The following TXLNB variants were observed in gnomAD, a reference collection of about 807,000 sequenced individuals.
TXLNB encodes taxilin beta.
In TXLNB, 37 loss-of-function variants were observed where a neutral mutation model predicts 57.4. That is an observed-to-expected ratio of 0.64 (90% CI 0.50 to 0.85). TXLNB has a LOEUF of 0.85. Ranked by LOEUF, TXLNB falls within the 40% of genes least tolerant of loss-of-function variation. The probability of loss-of-function intolerance (pLI) is 0.00; values close to 1 mark genes in which losing one functional copy is unlikely to be tolerated. For synonymous variants in TXLNB, 302 were observed against 309.6 expected (o/e 0.98, Z 0.26); for missense variants, 848 against 825.6 (o/e 1.03, Z -0.33).
At chr6:139,263,452 A>C (rs1306875353) in intron 4 of TXLNB, among the ~76,000 whole-genome samples, 12 of 152,242 alleles carry the variant, frequency 7.9e-5, no homozygotes, top group Non-Finnish European at 1.5e-5. Context: ...TAAAATGTTC[A>C]ATGTAAATTT....
At chr6:139,299,574 A>G in the TXLNB span, among the ~76,000 whole-genome samples, 10 of 151,922 alleles carry the variant, frequency 6.6e-5, no homozygotes, top group Non-Finnish European at 1.3e-4. Flanking sequence ...TTTGCCAGCT[A>G]TCGTGGGGTC....
At chr6:139,228,865 C>T in the TXLNB span, among the ~76,000 whole-genome samples, 1 of 152,156 alleles carries the variant, frequency 6.6e-6, no homozygotes, top group East Asian at 1.9e-4. Context: ...CCACTTTCAA[C>T]CCAGTTGCAG....
At chr6:139,281,074 T>G (rs1219571845) in intron 2 of TXLNB, among the ~76,000 whole-genome samples, 4 of 152,092 alleles carry the variant, frequency 2.6e-5, no homozygotes, top group South Asian at 2.1e-4. Flanking sequence ...TTTTTTATTT[T>G]TATTATTTTG....
At chr6:139,215,376 A>G in the TXLNB span, among the ~76,000 whole-genome samples, 3 of 152,196 alleles carry the variant, frequency 2.0e-5, no homozygotes, top group African/African-American at 7.2e-5. Context: ...GCAATGGGGA[A>G]AGGATTCCCT....
chr6:139,226,917 C>A, the TXLNB span, among the ~76,000 whole-genome samples: 1 of 152,148 alleles, frequency 6.6e-6, no homozygotes, highest in African/African-American at 2.4e-5. Flanking sequence ...GTCCCAGCTA[C>A]GCGGGAGGCT....
At chr6:139,181,129 C>T in the TXLNB span, among the ~76,000 whole-genome samples, 1 of 152,166 alleles carries the variant, frequency 6.6e-6, no homozygotes, top group Non-Finnish European at 1.5e-5. Flanking sequence ...AGATAGACCC[C>T]CAAGGTCAAC....
intron 6 of TXLNB, 73 bp downstream of exon 6, chr6:139,260,245 C>T: frequency 2.0e-6 from 3 of 1,505,940 alleles, no homozygotes; most frequent in East Asian, 2.3e-5. Context: ...TAAATAAATA[C>T]AAAACAACTT....
chr6:139,199,538 GAGA>G, the TXLNB span, among the ~76,000 whole-genome samples: 26 of 152,338 alleles, frequency 1.7e-4, no homozygotes, highest in South Asian at 2.1e-4. Context: ...CTCTAAAAAG[GAGA>G]AGAACTCACT....
chr6:139,196,822 C>A, the TXLNB span, among the ~76,000 whole-genome samples: 5 of 152,156 alleles, frequency 3.3e-5, no homozygotes, highest in African/African-American at 4.8e-5. Flanking sequence ...TCTATACTAT[C>A]TTTGGTTATT....
intron 8 of TXLNB, among the ~76,000 whole-genome samples, chr6:139,245,985 G>C (rs1237243566): frequency 6.6e-6 from 1 of 152,152 alleles, no homozygotes; most frequent in Non-Finnish European, 1.5e-5. Context: ...GAGCCACTGC[G>C]CCCAGCCAGT....
At chr6:139,270,650 T>A in intron 3 of TXLNB, 24 bp from the exon 4 acceptor site, 1 of 1,608,222 alleles carries the variant, frequency 6.2e-7, no homozygotes, top group Non-Finnish European at 8.5e-7. Context: ...GATACAAACA[T>A]GAAAGAAAAT....
the TXLNB span, among the ~76,000 whole-genome samples, chr6:139,298,824 A>G: frequency 6.6e-6 from 1 of 152,202 alleles, no homozygotes. Context: ...CAGATCTCTC[A>G]TGAATGGCTA....
At chr6:139,227,063 C>T in the TXLNB span, among the ~76,000 whole-genome samples, 665 of 150,474 alleles carry the variant, frequency 4.4e-3, 4 homozygotes, top group African/African-American at 0.015. Context: ...CAGTGAGATC[C>T]CAGGTGTGGT....
chr6:139,217,460 T>C, the TXLNB span, among the ~76,000 whole-genome samples: 1 of 152,186 alleles, frequency 6.6e-6, no homozygotes, highest in Non-Finnish European at 1.5e-5. Flanking sequence ...ATGCATAATA[T>C]TTAAATTATT....
At chr6:139,195,947 T>C in the TXLNB span, among the ~76,000 whole-genome samples, 1 of 152,088 alleles carries the variant, frequency 6.6e-6, no homozygotes, top group Admixed American at 6.5e-5. Flanking sequence ...ATCCACTAGA[T>C]GGGATCTTCT....
chr6:139,190,384 A>G, the TXLNB span, among the ~76,000 whole-genome samples: 1 of 141,750 alleles, frequency 7.1e-6, no homozygotes, highest in Non-Finnish European at 1.5e-5. Context: ...ATCTCAGCTC[A>G]CTGTAACCTC....
At chr6:139,167,263 T>C in the TXLNB span, 8 of 1,613,322 alleles carry the variant, frequency 5.0e-6, no homozygotes, top group Non-Finnish European at 6.8e-6. Flanking sequence ...TGGATGGAAC[T>C]TTGTTCCTAA....
intron 3 of TXLNB, among the ~76,000 whole-genome samples, chr6:139,276,486 A>G (rs1776898966): frequency 6.6e-6 from 1 of 152,244 alleles, no homozygotes; most frequent in African/African-American, 2.4e-5. Context: ...TCTGGTCACA[A>G]TGCATTTCAG....
chr6:139,320,548 T>C, the TXLNB span, among the ~76,000 whole-genome samples: 2 of 152,138 alleles, frequency 1.3e-5, no homozygotes, highest in African/African-American at 4.8e-5. Context: ...TCAAATGGGT[T>C]CCTTTTTATT....
Sources: gnomAD v4.1 joint callset for allele counts (sites outside exome capture counted in the v4.1 genomes callset) on GRCh38, gnomAD v4.1.1 for gene constraint, MANE v1.5 for transcripts, NCBI Gene and HGNC (gene_info 2026-07-23, HGNC 2026-07-21) for gene names.